The following ATG5 variants were observed in gnomAD, a reference collection of about 807,000 sequenced individuals.
ATG5 encodes the protein autophagy protein 5.
A neutral mutation model predicts 36.5 loss-of-function variants in ATG5; 14 were observed. The ratio of observed to expected loss-of-function variants is 0.38; its 90% CI spans 0.25 to 0.60. ATG5 has a LOEUF of 0.60. ATG5 is among the 20% of genes least tolerant of loss of function. The pLI is 0.60. For missense variants in ATG5, 195 were observed against 326.7 expected (o/e 0.60, Z 3.11); for synonymous variants, 95 against 101.5 (o/e 0.94, Z 0.38).
intron 5 of ATG5, among the ~76,000 whole-genome samples, chr6:106,266,942 A>G (rs1197583627): frequency 6.6e-6 from 1 of 152,240 alleles, no homozygotes; most frequent in Admixed American, 6.5e-5. Flanking sequence ...AAACGGCCAC[A>G]AGACAAGGAT....
intron 5 of ATG5, among the ~76,000 whole-genome samples, chr6:106,256,781 T>C (rs1778816114): frequency 6.6e-6 from 1 of 152,180 alleles, no homozygotes; most frequent in Non-Finnish European, 1.5e-5. Flanking sequence ...TGACTCTGGG[T>C]GAGTCAACAA....
At chr6:106,208,671 AAAC>A (rs560085242) in intron 6 of ATG5, among the ~76,000 whole-genome samples, 13 of 152,346 alleles carry the variant, frequency 8.5e-5, no homozygotes, top group African/African-American at 2.2e-4. Flanking sequence ...AATTAAAATT[AAAC>A]AACAACAACA....
At chr6:106,190,229 G>A (rs1252670542) in intron 7 of ATG5, among the ~76,000 whole-genome samples, 5 of 152,126 alleles carry the variant, frequency 3.3e-5, no homozygotes, top group Non-Finnish European at 7.3e-5. Context: ...TCACAGTTCT[G>A]GAGGCTGGAA....
At chr6:106,281,363 A>T (rs1779870775) in intron 4 of ATG5, among the ~76,000 whole-genome samples, 1 of 152,184 alleles carries the variant, frequency 6.6e-6, no homozygotes, top group East Asian at 1.9e-4. Context: ...TTCCCTTCCC[A>T]AGGAATTACT....
intron 6 of ATG5, among the ~76,000 whole-genome samples, chr6:106,243,868 T>A (rs905319492): frequency 1.4e-5 from 2 of 139,734 alleles, no homozygotes; most frequent in African/African-American, 5.2e-5. Flanking sequence ...AATTAAAAAA[T>A]ATATAAAAAT....
intron 6 of ATG5, among the ~76,000 whole-genome samples, chr6:106,228,368 C>T (rs117009542): frequency 1.4e-3 from 210 of 152,286 alleles, no homozygotes; most frequent in Non-Finnish European, 2.0e-3. Context: ...TTGCCGATCC[C>T]GACTGGGCTA....
At chr6:106,193,308 C>G (rs1310351625) in intron 7 of ATG5, among the ~76,000 whole-genome samples, 1 of 152,076 alleles carries the variant, frequency 6.6e-6, no homozygotes, top group Non-Finnish European at 1.5e-5. Flanking sequence ...TAGTATATAC[C>G]AAATACCAGA....
chr6:106,250,311 C>T lies in ATG5; in HGVS notation c.479-2067G>A, dbSNP rs535760292. Among the ~76,000 whole-genome samples the T allele has an allele frequency of 2.6e-5, 4 of 152,274 alleles. No homozygotes were observed. In the East Asian group the frequency reaches 7.7e-4, roughly 29 times the overall value. On this transcript the variant is annotated intron_variant, in intron 5 of 7. Transcript: ENST00000369076. The stretch of plus-strand genomic sequence containing the variant: ...CTAAAAGACTGTGACAGGCTTTAGG[C>T]CTTCCTTACTCTAATCTTCAACTCC...
chr6:106,222,979 A>T (rs12664702), intron 6 of ATG5, among the ~76,000 whole-genome samples: 6,795 of 152,280 alleles, frequency 0.045, 419 homozygotes, highest in East Asian at 0.25. Flanking sequence ...AATCTTAAAA[A>T]TATTGAATAA....
At chr6:106,223,552 G>A (rs1777331361) in intron 6 of ATG5, among the ~76,000 whole-genome samples, 2 of 152,138 alleles carry the variant, frequency 1.3e-5, no homozygotes, top group Admixed American at 6.5e-5. Flanking sequence ...CTTTTAAAAG[G>A]TGTGTAAGTA....
At chr6:106,251,661 A>AGGCGGAGAGAGGGAGAAGGGAGAGAGGG (rs1562237616) in intron 5 of ATG5, among the ~76,000 whole-genome samples, 1 of 1,402 alleles carries the variant, frequency 7.1e-4, no homozygotes, top group Non-Finnish European at 1.2e-3. Context: ...GGGAGGGAGG[A>AGGCGGAGAGAGGGAGAAGGGAGAGAGGG]AGGGAGGGGG....
intron 5 of ATG5, among the ~76,000 whole-genome samples, chr6:106,268,070 A>G (rs1779295175): frequency 6.6e-6 from 1 of 152,258 alleles, no homozygotes; most frequent in Non-Finnish European, 1.5e-5. Context: ...GCACAGCAAA[A>G]GAAACTATCA....
At chr6:106,294,338 T>C (rs1278054786) in intron 3 of ATG5, among the ~76,000 whole-genome samples, 15 of 152,074 alleles carry the variant, frequency 9.9e-5, no homozygotes, top group Admixed American at 8.5e-4. Context: ...TATTTATGCT[T>C]GTGCTACTCT....
chr6:106,221,214 A>G (rs1174831550), intron 6 of ATG5, among the ~76,000 whole-genome samples: 1 of 152,190 alleles, frequency 6.6e-6, no homozygotes, highest in Non-Finnish European at 1.5e-5. Context: ...GAGGTCCTTT[A>G]AAAAATAATA....
At chr6:106,248,016 A>C in intron 6 of ATG5, 134 bp downstream of exon 6, 1 of 614,518 alleles carries the variant, frequency 1.6e-6, no homozygotes, top group Non-Finnish European at 2.8e-6. Flanking sequence ...ATTGCCACTG[A>C]AAGACACAGT....
intron 1 of ATG5, among the ~76,000 whole-genome samples, chr6:106,317,712 C>T (rs1770906255): frequency 6.6e-6 from 1 of 152,156 alleles, no homozygotes; most frequent in Non-Finnish European, 1.5e-5. Context: ...TGATAGGCTA[C>T]AAATTCAAAC....
chr6:106,243,380 A>C (rs1778199874), intron 6 of ATG5, among the ~76,000 whole-genome samples: 1 of 152,164 alleles, frequency 6.6e-6, no homozygotes, highest in Non-Finnish European at 1.5e-5. Context: ...GAAATACAAA[A>C]ATTAGCCAGG....
At chr6:106,191,242 G>T (rs1247933278) in intron 7 of ATG5, among the ~76,000 whole-genome samples, 1 of 152,062 alleles carries the variant, frequency 6.6e-6, no homozygotes, top group Non-Finnish European at 1.5e-5. Flanking sequence ...TCATACCAGT[G>T]TAGAATTTTT....
At chr6:106,221,722 C>T (rs1473451391) in intron 6 of ATG5, among the ~76,000 whole-genome samples, 1 of 137,396 alleles carries the variant, frequency 7.3e-6, no homozygotes, top group Non-Finnish European at 1.6e-5. Context: ...AAAAAAAAAT[C>T]AAAACTGATC....
Sources: gnomAD v4.1 joint callset for allele counts (sites outside exome capture counted in the v4.1 genomes callset) on GRCh38, gnomAD v4.1.1 for gene constraint, MANE v1.5 for transcripts, NCBI Gene and HGNC (gene_info 2026-07-23, HGNC 2026-07-21) for gene names.